Variants in B3GLCT observed in about 807,000 individuals in gnomAD.
B3GLCT encodes the protein beta-1,3-glucosyltransferase.
Under a neutral mutation model 63.4 loss-of-function variants are expected in B3GLCT, and 65 were observed. The observed-to-expected ratio is 1.03, with a 90% CI of 0.84 to 1.26. The LOEUF (loss-of-function observed/expected upper bound fraction) is 1.26, where lower values mean the gene tolerates loss of function less well. B3GLCT is among the 50% of genes most tolerant of loss of function. The pLI is 0.00. For missense variants in B3GLCT, 577 were observed against 604.8 expected (o/e 0.95, Z 0.48); for synonymous variants, 233 against 219.2 (o/e 1.06, Z -0.55).
At chr13:31,316,502 C>T (rs949845786) in intron 12 of B3GLCT, among the ~76,000 whole-genome samples, 2 of 146,390 alleles carry the variant, frequency 1.4e-5, no homozygotes, top group Non-Finnish European at 3.0e-5. Context: ...GATCTTGACT[C>T]ACCGCATTTG....
rs1593307830 is a variant in B3GLCT, at chr13:31,300,787, C to A, written c.1064+13968C>A. On this transcript the variant is annotated intron_variant, in intron 12 of 14. Transcript: ENST00000343307. ...AGGAGCAATTGGGGAAGTGTCAAATCTTGTGACCTCTGTCCACATGATTCT... is the reference window on the plus strand; with the variant it reads ...AGGAGCAATTGGGGAAGTGTCAAATATTGTGACCTCTGTCCACATGATTCT... Among the ~76,000 whole-genome samples, 3 of 152,276 alleles carry A rather than the reference C, an allele frequency of 2.0e-5. No homozygotes were observed. In the South Asian group the frequency reaches 6.2e-4, roughly 32 times the overall value.
intron 10 of B3GLCT, among the ~76,000 whole-genome samples, 157 bp downstream of exon 10, chr13:31,276,928 C>T: frequency 6.6e-6 from 1 of 152,156 alleles, no homozygotes; most frequent in African/African-American, 2.4e-5. Context: ...CCTCATTGCA[C>T]CATTTCAATC....
At position 31,238,671 on chromosome 13, in the gene B3GLCT, G is replaced by A. The variant is rs182506585; in HGVS notation, c.271-8352G>A. Reference sequence around the variant, plus strand: ...GTGTTTTAAAGAATCCACTCAATAGGCCAGGCGCACCTGTAGTCCCACCTA... The same window carrying A: ...GTGTTTTAAAGAATCCACTCAATAGACCAGGCGCACCTGTAGTCCCACCTA... On this transcript the variant is annotated intron_variant, in intron 4 of 14. Transcript: ENST00000343307. 1.1e-3 allele frequency among the ~76,000 whole-genome samples: 161 copies of A among 152,270 alleles called. 2 individuals carry two copies. The highest frequency in any genetic ancestry group is 0.01 in the Admixed American group (156 of 15,298).
intron 6 of B3GLCT, among the ~76,000 whole-genome samples, chr13:31,259,162 A>C (rs1486328622): frequency 6.6e-6 from 1 of 152,188 alleles, no homozygotes; most frequent in Non-Finnish European, 1.5e-5. Flanking sequence ...TTTATCCTTA[A>C]AGAACACATT....
rs116478554 is a variant in B3GLCT, at chr13:31,319,070, A to G, written c.1184+1385A>G. On this transcript the variant is annotated intron_variant, in intron 13 of 14. Transcript: ENST00000343307. ...AACTGGCCTTGTGTGGGCCAGGCAC[A>G]GGGAATGCACAGATGAAAGCTGCAC... Among the ~76,000 whole-genome samples the G allele has an allele frequency of 5.5e-3, 834 of 152,290 alleles. 12 individuals carry two copies. The highest frequency in any genetic ancestry group is 0.019 in the African/African-American group (801 of 41,556).
chr13:31,265,563 T>G (rs1872250346), intron 7 of B3GLCT, among the ~76,000 whole-genome samples: 1 of 152,188 alleles, frequency 6.6e-6, no homozygotes, highest in Non-Finnish European at 1.5e-5. Flanking sequence ...CAACCAAAAT[T>G]TTATTTGGCC....
chr13:31,203,119 A>AATTGG lies in B3GLCT; in HGVS notation c.70+2966_70+2970dup, dbSNP rs1416746088. On this transcript the variant is annotated intron_variant, in intron 1 of 14. Transcript: ENST00000343307. ...CTTTGTATTTCTTAGCACCTGCCAA[A>AATTGG]ATTGGGGATGGTTTTTCATTCTGAG... is the stretch of plus-strand genomic sequence containing the variant. Among the ~76,000 whole-genome samples the AATTGG allele has an allele frequency of 1.3e-5, 2 of 152,016 alleles. 1 individual carries two copies. Among genetic ancestry groups the AATTGG allele is most frequent in the African/African-American group, 4.8e-5 (2 of 41,382 alleles).
intron 4 of B3GLCT, among the ~76,000 whole-genome samples, chr13:31,246,032 A>T (rs1290798581): frequency 6.6e-6 from 1 of 152,226 alleles, no homozygotes; most frequent in East Asian, 1.9e-4. Context: ...AAAGATTTAC[A>T]TTAAAGACTA....
intron 4 of B3GLCT, among the ~76,000 whole-genome samples, chr13:31,236,357 G>T (rs1007623772): frequency 2.0e-5 from 3 of 152,098 alleles, no homozygotes; most frequent in African/African-American, 7.2e-5. Flanking sequence ...TTTATTTGCA[G>T]TTTTCTGTTT....
At chr13:31,243,148 C>T (rs1871034059) in intron 4 of B3GLCT, among the ~76,000 whole-genome samples, 1 of 152,182 alleles carries the variant, frequency 6.6e-6, no homozygotes, top group South Asian at 2.1e-4. Context: ...GGAATTTAGA[C>T]AAACAGTTGA....
intron 3 of B3GLCT, among the ~76,000 whole-genome samples, chr13:31,225,125 G>C (rs1870031245): frequency 6.6e-6 from 1 of 152,120 alleles, no homozygotes; most frequent in African/African-American, 2.4e-5. Context: ...CTTTTAGCCT[G>C]TCACTCTGAT....
intron 6 of B3GLCT, among the ~76,000 whole-genome samples, chr13:31,259,516 TCCA>T (rs1469662661): frequency 2.0e-5 from 3 of 151,774 alleles, no homozygotes; most frequent in Non-Finnish European, 4.4e-5. Context: ...TTTTAGCCTC[TCCA>T]CTGCTGCTTT....
chr13:31,217,435 A>G (rs1334604350), intron 2 of B3GLCT, among the ~76,000 whole-genome samples: 1 of 152,106 alleles, frequency 6.6e-6, no homozygotes, highest in East Asian at 1.9e-4. Context: ...GCTGTGGAGA[A>G]GCTCTTTCAT....
At chr13:31,256,060 ATATC>A (rs1871723036) in intron 6 of B3GLCT, among the ~76,000 whole-genome samples, 1 of 152,248 alleles carries the variant, frequency 6.6e-6, no homozygotes, top group Non-Finnish European at 1.5e-5. Context: ...CAAAGGGCTA[ATATC>A]TAGAATCTAC....
chr13:31,317,933 G>T lies in B3GLCT; in HGVS notation c.1184+248G>T, dbSNP rs79382254. Among the ~76,000 whole-genome samples, 576 of 118,720 alleles carry T rather than the reference G, an allele frequency of 4.9e-3. 10 individuals are homozygous for T. Among genetic ancestry groups the T allele is most frequent in the African/African-American group, 0.017 (557 of 32,980 alleles). The allele number at this position is 118,720 out of a possible 152,430, so 77.9% of individuals were successfully genotyped here. A position where few individuals can be genotyped will look rare whatever the true frequency, so the allele number is the denominator to read the frequency against. Reference sequence around the variant, plus strand: ...ACTTGCTAGAATGTCCCTAACAATGGTTGCTTCTAGACAGCCAACTAGTTT... The same window carrying T: ...ACTTGCTAGAATGTCCCTAACAATGTTTGCTTCTAGACAGCCAACTAGTTT... On this transcript the variant is annotated intron_variant, in intron 13 of 14. Coordinates refer to ENST00000343307, the MANE Select transcript of B3GLCT (RefSeq NM_194318.4).
Position 31,286,476 on chromosome 13 carries a change from A to C in B3GLCT, c.965-244A>C, listed in dbSNP as rs549130529. Among the ~76,000 whole-genome samples the C allele has an allele frequency of 2.0e-5, 3 of 152,214 alleles. No homozygotes were observed. The East Asian group carries it at 5.8e-4, about 29-fold the overall frequency. ...TCTGTGTGACTGTGTAATTCCACTC[A>C]TCTCTCTAGGTCTCCATTTCCTTGT... On this transcript the variant is annotated intron_variant, in intron 11 of 14. Transcript: ENST00000343307.
chr13:31,211,117 G>A (rs752701692), intron 1 of B3GLCT, among the ~76,000 whole-genome samples: 7 of 152,124 alleles, frequency 4.6e-5, no homozygotes, highest in African/African-American at 1.7e-4. Context: ...ACTGGCAGCC[G>A]GGCATGGTGG....
intron 12 of B3GLCT, among the ~76,000 whole-genome samples, chr13:31,309,376 C>T (rs1037706638): frequency 6.6e-6 from 1 of 152,196 alleles, no homozygotes; most frequent in African/African-American, 2.4e-5. Context: ...GCTGGGTGTC[C>T]TCCAATTCAG....
rs146422822 is a variant in B3GLCT, at chr13:31,282,378, G to A, written c.851-2270G>A. ...GACAGGGCCGAGTGCGGTGGCTCATGCCTGTAATCCCAGCACTTTGGGAGG... is the reference window on the plus strand; with the variant it reads ...GACAGGGCCGAGTGCGGTGGCTCATACCTGTAATCCCAGCACTTTGGGAGG... On this transcript the variant is annotated intron_variant, in intron 10 of 14. Transcript: ENST00000343307. Among the ~76,000 whole-genome samples, 160 of 152,282 alleles carry A rather than the reference G, an allele frequency of 1.1e-3. 2 individuals carry two copies. In the East Asian group the frequency reaches 0.011, roughly 10 times the overall value.
Sources: allele counts gnomAD v4.1 joint callset (sites outside exome capture counted in the v4.1 genomes callset), GRCh38; gene constraint gnomAD v4.1.1; transcripts MANE v1.5; gene names NCBI Gene and HGNC (gene_info 2026-07-23, HGNC 2026-07-21).